Variants in POU6F2 observed in about 807,000 individuals in gnomAD.
The protein encoded by POU6F2 is POU class 6 homeobox 2.
A neutral mutation model predicts 71.3 loss-of-function variants in POU6F2; 31 were observed. The ratio of observed to expected loss-of-function variants is 0.43; its 90% CI spans 0.33 to 0.59. The LOEUF (loss-of-function observed/expected upper bound fraction) is 0.59, where lower values mean the gene tolerates loss of function less well. Among genes scored for constraint, POU6F2 ranks in the 20% least tolerant of loss-of-function variants. POU6F2 has a pLI of 0.04. For missense variants in POU6F2, 783 were observed against 856.8 expected, an observed-to-expected ratio of 0.91 and a Z score of 1.07; for synonymous variants, 347 against 355.7, an observed-to-expected ratio of 0.98 and a Z score of 0.27.
chr7:39,358,394 C>T (rs1342285639), intron 5 of POU6F2, among the ~76,000 whole-genome samples: 1 of 152,056 alleles, frequency 6.6e-6, no homozygotes, highest in Non-Finnish European at 1.5e-5. Context: ...CCTAATTATA[C>T]TATTGTGTCT....
At chr7:39,017,949 C>G (rs1417517250) in intron 1 of POU6F2, among the ~76,000 whole-genome samples, 1 of 151,454 alleles carries the variant, frequency 6.6e-6, no homozygotes, top group Non-Finnish European at 1.5e-5. Flanking sequence ...GTATTCTTTT[C>G]CTATTAGTTA....
intron 1 of POU6F2, among the ~76,000 whole-genome samples, chr7:39,035,611 A>T (rs1790044690): frequency 1.3e-5 from 2 of 152,160 alleles, no homozygotes; most frequent in South Asian, 4.1e-4. Context: ...ACGGGGGAAA[A>T]TAGCTGAATG....
chr7:39,111,052 T>C (rs1791800804), intron 2 of POU6F2, among the ~76,000 whole-genome samples: 1 of 152,332 alleles, frequency 6.6e-6, no homozygotes, highest in South Asian at 2.1e-4. Context: ...ATACATTCTG[T>C]GTATCAATTT....
intron 4 of POU6F2, among the ~76,000 whole-genome samples, chr7:39,236,661 C>G (rs1794681579): frequency 6.6e-6 from 1 of 152,070 alleles, no homozygotes; most frequent in African/African-American, 2.4e-5. Context: ...AGTCAGGGAA[C>G]ATGATAAGCG....
intron 5 of POU6F2, among the ~76,000 whole-genome samples, chr7:39,365,122 C>G (rs2115728787): frequency 6.6e-6 from 1 of 152,234 alleles, no homozygotes; most frequent in East Asian, 1.9e-4. Context: ...ATCACATTAC[C>G]TGATTTCAAA....
intron 8 of POU6F2, among the ~76,000 whole-genome samples, chr7:39,459,421 G>T (rs1207898149): frequency 6.6e-6 from 1 of 151,904 alleles, no homozygotes; most frequent in East Asian, 1.9e-4. Flanking sequence ...TTGAAAATGG[G>T]CATTTGGCGT....
At chr7:39,139,526 T>C (rs1367404479) in intron 2 of POU6F2, among the ~76,000 whole-genome samples, 3 of 152,204 alleles carry the variant, frequency 2.0e-5, no homozygotes, top group African/African-American at 4.8e-5. Flanking sequence ...ACATTGCTCC[T>C]GGTTTTGGTG....
At chr7:39,363,525 A>G (rs1786435151) in intron 5 of POU6F2, among the ~76,000 whole-genome samples, 1 of 151,512 alleles carries the variant, frequency 6.6e-6, no homozygotes, top group African/African-American at 2.4e-5. Flanking sequence ...TACTGCTGGT[A>G]TGTAAAGCCA....
At chr7:39,358,496 G>A (rs1024023516) in intron 5 of POU6F2, among the ~76,000 whole-genome samples, 10 of 152,156 alleles carry the variant, frequency 6.6e-5, no homozygotes, top group East Asian at 3.9e-4. Context: ...AATTCTCCTC[G>A]CCCAACCCAG....
At chr7:39,094,197 G>C (rs1791409721) in intron 2 of POU6F2, among the ~76,000 whole-genome samples, 1 of 152,028 alleles carries the variant, frequency 6.6e-6, no homozygotes, top group African/African-American at 2.4e-5. Context: ...TATTTACTGA[G>C]CACGGGAGAC....
intron 2 of POU6F2, among the ~76,000 whole-genome samples, chr7:39,161,423 T>A (rs1315027085): frequency 6.6e-6 from 1 of 152,230 alleles, no homozygotes; most frequent in African/African-American, 2.4e-5. Context: ...ATTGTAGTAC[T>A]AGAATTTAGT....
intron 2 of POU6F2, among the ~76,000 whole-genome samples, chr7:39,140,730 G>A (rs915230692): frequency 2.6e-5 from 4 of 152,150 alleles, no homozygotes; most frequent in African/African-American, 9.7e-5. Context: ...TTCAGAAGTT[G>A]CAAGGATTCA....
chr7:39,023,233 A>C (rs1280185162), intron 1 of POU6F2, among the ~76,000 whole-genome samples: 1 of 152,100 alleles, frequency 6.6e-6, no homozygotes, highest in African/African-American at 2.4e-5. Flanking sequence ...TATGTATACT[A>C]GCCTTTATTG....
intron 2 of POU6F2, among the ~76,000 whole-genome samples, chr7:39,152,164 A>G (rs1792774488): frequency 6.6e-6 from 1 of 152,086 alleles, no homozygotes; most frequent in South Asian, 2.1e-4. Flanking sequence ...GAAGATTCTT[A>G]TCATTGAGAT....
chr7:39,202,202 C>T (rs1793918998), intron 2 of POU6F2, among the ~76,000 whole-genome samples: 1 of 152,104 alleles, frequency 6.6e-6, no homozygotes, highest in South Asian at 2.1e-4. Context: ...ATCTTGTTGA[C>T]ACAGTGCCTG....
At chr7:39,192,169 A>G (rs919881180) in intron 2 of POU6F2, among the ~76,000 whole-genome samples, 3 of 152,156 alleles carry the variant, frequency 2.0e-5, no homozygotes, top group African/African-American at 4.8e-5. Flanking sequence ...TGATGCTACA[A>G]TTTCATGCAA....
rs754359687 is a variant in POU6F2, at chr7:38,983,392, TTTC to T, written c.105+5337_105+5339del. ...TCTGCTTTTGTTCCTGCCTCCCTCC[TTTC>T]TTTTTTTTTTTTTGTAGGTGAAATG... On this transcript the variant is annotated intron_variant, in intron 1 of 9. Coordinates refer to ENST00000518318, the MANE Select transcript of POU6F2 (RefSeq NM_001370959.1). Among the ~76,000 whole-genome samples the T allele has an allele frequency of 1.6e-4, 11 of 70,628 alleles. No homozygotes were observed. In the East Asian group the frequency reaches 5.9e-3, roughly 38 times the overall value. 46.3% of individuals were successfully genotyped at this position (70,628 alleles called of 152,430 possible). A position where few individuals can be genotyped will look rare whatever the true frequency, so the allele number is the denominator to read the frequency against.
At position 39,121,401 on chromosome 7, in the gene POU6F2, A is replaced by G. The variant is rs562181125; in HGVS notation, c.277+35370A>G. Among the ~76,000 whole-genome samples, 6 of 152,314 alleles carry G rather than the reference A, an allele frequency of 3.9e-5. No homozygotes were observed. In the South Asian group the frequency reaches 8.3e-4, roughly 21 times the overall value. On this transcript the variant is annotated intron_variant, in intron 2 of 9. Coordinates refer to ENST00000518318, the MANE Select transcript of POU6F2 (RefSeq NM_001370959.1). ...CTTTCATTACCAAATGTATTCTCCC[A>G]TCCATACTTATCACTTGCCAGAATC...
intron 1 of POU6F2, among the ~76,000 whole-genome samples, chr7:39,035,938 G>C (rs1426797967): frequency 5.3e-5 from 8 of 151,654 alleles, no homozygotes; most frequent in Non-Finnish European, 8.8e-5. Context: ...TTTAAACAAA[G>C]AGCTAATTGA....
Sources: gnomAD v4.1 joint callset for allele counts (sites outside exome capture counted in the v4.1 genomes callset) on GRCh38, gnomAD v4.1.1 for gene constraint, MANE v1.5 for transcripts, NCBI Gene and HGNC (gene_info 2026-07-23, HGNC 2026-07-21) for gene names.